NALF1: variants seen among roughly 807,000 people sequenced by gnomAD.
NALF1 encodes the protein family with sequence similarity 155 member A.
In NALF1, 3 loss-of-function variants were observed where a neutral mutation model predicts 48.4. The ratio of observed to expected loss-of-function variants is 0.06; its 90% confidence interval spans 0.03 to 0.16. The LOEUF (loss-of-function observed/expected upper bound fraction) is 0.16, where lower values mean the gene tolerates loss of function less well. NALF1 is among the 10% of genes least tolerant of loss of function. The pLI, the probability that NALF1 is intolerant of heterozygous loss-of-function variation, is 1.00. For synonymous variants in NALF1, 262 were observed against 245.7 expected (o/e 1.07, Z -0.62); for missense variants, 526 against 571.5 (o/e 0.92, Z 0.81).
intron 1 of NALF1, among the ~76,000 whole-genome samples, chr13:107,537,657 C>A (rs1314005275): frequency 1.3e-5 from 2 of 152,060 alleles, no homozygotes; most frequent in South Asian, 4.2e-4. Flanking sequence ...GTCAGCTTCA[C>A]AGTCCAGACT....
At chr13:107,814,221 C>A (rs1879093615) in intron 1 of NALF1, among the ~76,000 whole-genome samples, 1 of 152,092 alleles carries the variant, frequency 6.6e-6, no homozygotes, top group South Asian at 2.1e-4. Context: ...ATTCACCTTG[C>A]CATGATATTG....
chr13:107,432,877 CT>C (rs1884405138), intron 1 of NALF1, among the ~76,000 whole-genome samples: 1 of 152,112 alleles, frequency 6.6e-6, no homozygotes, highest in Non-Finnish European at 1.5e-5. Context: ...AAAAAATAAA[CT>C]TATATTCATG....
intron 1 of NALF1, among the ~76,000 whole-genome samples, chr13:107,771,734 C>A (rs1302720189): frequency 1.3e-5 from 2 of 152,030 alleles, no homozygotes; most frequent in Non-Finnish European, 2.9e-5. Flanking sequence ...ATCTGCAGAA[C>A]AAAAGCATTT....
chr13:107,719,639 C>A (rs1167801953), intron 1 of NALF1, among the ~76,000 whole-genome samples: 2 of 152,146 alleles, frequency 1.3e-5, no homozygotes, highest in African/African-American at 4.8e-5. Context: ...TCACTTCCAA[C>A]TATTAATCAC....
chr13:107,516,455 G>C (rs937001187), intron 1 of NALF1, among the ~76,000 whole-genome samples: 1 of 152,160 alleles, frequency 6.6e-6, no homozygotes, highest in African/African-American at 2.4e-5. Flanking sequence ...ACCATGAAAT[G>C]AGCAAAGGAA....
intron 1 of NALF1, among the ~76,000 whole-genome samples, chr13:107,677,290 C>A (rs1881157216): frequency 6.6e-6 from 1 of 152,192 alleles, no homozygotes; most frequent in Non-Finnish European, 1.5e-5. Flanking sequence ...AAGTGATCTG[C>A]CTCAGCCTCC....
At chr13:107,369,699 C>CATT (rs1205825733) in intron 1 of NALF1, among the ~76,000 whole-genome samples, 1 of 152,068 alleles carries the variant, frequency 6.6e-6, no homozygotes, top group Non-Finnish European at 1.5e-5. Flanking sequence ...GGCTTTATTA[C>CATT]TATCCAAATG....
intron 1 of NALF1, among the ~76,000 whole-genome samples, chr13:107,794,792 G>A (rs976484822): frequency 6.6e-6 from 1 of 151,998 alleles, no homozygotes; most frequent in East Asian, 1.9e-4. Context: ...ATTTTTATCT[G>A]TCCTTTTTGA....
At chr13:107,492,201 C>T (rs1875160011) in intron 1 of NALF1, among the ~76,000 whole-genome samples, 1 of 151,928 alleles carries the variant, frequency 6.6e-6, no homozygotes, top group Non-Finnish European at 1.5e-5. Context: ...CAGGCTCCCA[C>T]CACCACACCC....
At position 107,659,114 on chromosome 13, in the gene NALF1, G is replaced by GACACACAGAC. The variant is rs1555315964; in HGVS notation, c.915+206567_915+206568insGTCTGTGTGT. Among the ~76,000 whole-genome samples, 8 of 145,904 alleles carry GACACACAGAC rather than the reference G, an allele frequency of 5.5e-5. No homozygotes were observed. In the East Asian group the frequency reaches 8.8e-4, roughly 16 times the overall value. ...GCCAGCACTGACACACTGACACACA[G>GACACACAGAC]ACACACACACACACACACACACACA... On this transcript the variant is annotated intron_variant, in intron 1 of 2. Coordinates refer to ENST00000375915, the MANE Select transcript of NALF1 (RefSeq NM_001080396.3).
At chr13:107,775,220 A>C (rs1219260292) in intron 1 of NALF1, among the ~76,000 whole-genome samples, 50 of 95,742 alleles carry the variant, frequency 5.2e-4, no homozygotes, top group African/African-American at 1.8e-3. Context: ...CCCACCCCAC[A>C]ACAGTCCCCA....
chr13:107,226,037 A>G (rs971312800), intron 1 of NALF1, among the ~76,000 whole-genome samples: 2 of 152,160 alleles, frequency 1.3e-5, no homozygotes, highest in East Asian at 1.9e-4. Flanking sequence ...TATGGCTTCA[A>G]TAGTCTTTAC....
At chr13:107,336,082 C>T (rs7317410) in intron 1 of NALF1, among the ~76,000 whole-genome samples, 87,408 of 151,936 alleles carry the variant, frequency 0.58, 28,596 homozygotes, top group Non-Finnish European at 0.74. Context: ...CCAGTCATGG[C>T]GGCTCACACC....
At chr13:107,645,750 T>G (rs1421946332) in intron 1 of NALF1, among the ~76,000 whole-genome samples, 3 of 151,888 alleles carry the variant, frequency 2.0e-5, no homozygotes, top group African/African-American at 7.3e-5. Context: ...TTTCTTAGAC[T>G]TCTGCCCTGA....
chr13:107,855,412 G>A (rs1354554206), intron 1 of NALF1, among the ~76,000 whole-genome samples: 2 of 152,174 alleles, frequency 1.3e-5, no homozygotes, highest in African/African-American at 4.8e-5. Flanking sequence ...TATTTTATGT[G>A]TGGCTCAAGA....
At chr13:107,316,504 A>T (rs1372285311) in intron 1 of NALF1, among the ~76,000 whole-genome samples, 1 of 152,232 alleles carries the variant, frequency 6.6e-6, no homozygotes, top group East Asian at 1.9e-4. Flanking sequence ...ACTAGTTTAC[A>T]GTCCCACCAA....
At chr13:107,648,076 A>C (rs1468994449) in intron 1 of NALF1, among the ~76,000 whole-genome samples, 1 of 152,126 alleles carries the variant, frequency 6.6e-6, no homozygotes, top group Non-Finnish European at 1.5e-5. Context: ...TATACAGAAA[A>C]ATTGGGCAGA....
At chr13:107,430,665 T>C (rs1454704453) in intron 1 of NALF1, among the ~76,000 whole-genome samples, 1 of 152,144 alleles carries the variant, frequency 6.6e-6, no homozygotes, top group Non-Finnish European at 1.5e-5. Context: ...TTCCATGGTG[T>C]ATATGTGCCA....
intron 1 of NALF1, among the ~76,000 whole-genome samples, chr13:107,578,295 G>A (rs919425447): frequency 1.3e-5 from 2 of 151,946 alleles, no homozygotes; most frequent in African/African-American, 4.8e-5. Context: ...TCTCCCTCAT[G>A]GACAATTTTT....
Sources: gnomAD v4.1 joint callset for allele counts (sites outside exome capture counted in the v4.1 genomes callset) on GRCh38, gnomAD v4.1.1 for gene constraint, MANE v1.5 for transcripts, NCBI Gene and HGNC (gene_info 2026-07-23, HGNC 2026-07-21) for gene names.